Variants in DIAPH2 observed in about 807,000 individuals in gnomAD.
DIAPH2 encodes protein diaphanous homolog 2.
Under a neutral mutation model 92.7 loss-of-function variants are expected in DIAPH2, and 35 were observed. That is an observed-to-expected ratio of 0.38 (90% CI 0.29 to 0.50). The LOEUF (loss-of-function observed/expected upper bound fraction) is 0.50. Ranked by LOEUF, DIAPH2 falls within the 20% of genes least tolerant of loss-of-function variation. The probability of loss-of-function intolerance (pLI) is 0.94; values close to 1 mark genes in which losing one functional copy is unlikely to be tolerated. For missense variants in DIAPH2, 701 were observed against 819.5 expected (o/e 0.86, Z 1.77); for synonymous variants, 301 against 280.4 (o/e 1.07, Z -0.73).
At chrX:97,099,314 C>T (rs186332103) in intron 19 of DIAPH2, among the ~76,000 whole-genome samples, 1,261 of 109,383 alleles carry the variant, frequency 0.012, 14 homozygotes, top group African/African-American at 0.04. Context: ...TGCAGTGAGC[C>T]GAGATCGCGC....
At chrX:97,388,505 A>T (rs776889578) in intron 25 of DIAPH2, among the ~76,000 whole-genome samples, 28 of 111,570 alleles carry the variant, frequency 2.5e-4, no homozygotes, top group Middle Eastern at 4.6e-3. Flanking sequence ...GTGTATGCTA[A>T]CATGCCCAGC....
At chrX:97,217,212 G>T (rs767044316) in intron 22 of DIAPH2, among the ~76,000 whole-genome samples, 1 of 111,573 alleles carries the variant, frequency 9.0e-6, no homozygotes, top group African/African-American at 3.3e-5. Flanking sequence ...AGTACAGAGG[G>T]TCAAGGCCAC....
intron 26 of DIAPH2, among the ~76,000 whole-genome samples, chrX:97,456,517 TA>T (rs1444480922): frequency 9.0e-6 from 1 of 111,676 alleles, no homozygotes; most frequent in Non-Finnish European, 1.9e-5. Flanking sequence ...AGAGATAAGA[TA>T]TGTATATAAC....
intron 23 of DIAPH2, among the ~76,000 whole-genome samples, chrX:97,300,975 GAA>G (rs2068697730): frequency 2.5e-5 from 1 of 40,591 alleles, no homozygotes; most frequent in Admixed American, 3.9e-4. Flanking sequence ...AGAAGAAGAA[GAA>G]TGTCTCCATA....
chrX:97,533,639 T>C (rs1451739938), intron 26 of DIAPH2, among the ~76,000 whole-genome samples: 1 of 110,836 alleles, frequency 9.0e-6, no homozygotes, highest in Non-Finnish European at 1.9e-5. Context: ...TGTTGCCTGA[T>C]ACCTTCATTT....
At chrX:97,288,965 A>G (rs922065357) in intron 23 of DIAPH2, among the ~76,000 whole-genome samples, 9 of 111,353 alleles carry the variant, frequency 8.1e-5, no homozygotes. Flanking sequence ...TAATGTTTTA[A>G]TATTGATGAA....
chrX:97,079,932 T>A (rs780340719), intron 19 of DIAPH2, among the ~76,000 whole-genome samples: 1 of 110,910 alleles, frequency 9.0e-6, no homozygotes, highest in African/African-American at 3.3e-5. Context: ...ATAGTTATTT[T>A]TCTATAGTTT....
intron 26 of DIAPH2, among the ~76,000 whole-genome samples, chrX:97,467,542 C>G (rs1380938036): frequency 8.9e-6 from 1 of 112,022 alleles, no homozygotes; most frequent in African/African-American, 3.2e-5. Context: ...CCTGCCCCAG[C>G]CTTTTGTCTC....
intron 4 of DIAPH2, among the ~76,000 whole-genome samples, chrX:96,779,880 GT>G (rs919391825): frequency 8.9e-6 from 1 of 111,786 alleles, no homozygotes; most frequent in African/African-American, 3.2e-5. Flanking sequence ...TAAGTTCTAC[GT>G]TTTTTTCCGA....
chrX:97,510,576 T>A (rs1387830369), intron 26 of DIAPH2, among the ~76,000 whole-genome samples: 3 of 104,629 alleles, frequency 2.9e-5, no homozygotes, highest in Non-Finnish European at 3.9e-5. Flanking sequence ...AGACATGAAG[T>A]CCTTGCCCAT....
intron 4 of DIAPH2, among the ~76,000 whole-genome samples, chrX:96,869,557 C>CT: frequency 1.0e-5 from 1 of 97,926 alleles, no homozygotes; most frequent in African/African-American, 3.8e-5. Context: ...CTACTACTAC[C>CT]ACTACTACTA....
rs1232697374 is a variant in DIAPH2, at chrX:97,352,635, C to T, written c.3009+4355C>T. Reference sequence around the variant, plus strand: ...CGGTAATCCCAGCACTTTGGGAGGCCAAGGTGGGCAGATCACGAGGTCAGG... The same window carrying T: ...CGGTAATCCCAGCACTTTGGGAGGCTAAGGTGGGCAGATCACGAGGTCAGG... On this transcript the variant is annotated intron_variant, in intron 24 of 26. Coordinates refer to ENST00000324765, the MANE Select transcript of DIAPH2 (RefSeq NM_006729.5). Among the ~76,000 whole-genome samples the T allele has an allele frequency of 1.0e-4, 11 of 108,216 alleles. 1 individual carries two copies. Among genetic ancestry groups the T allele is most frequent in the Middle Eastern group, 4.8e-3 (1 of 207 alleles). 94.0% of individuals were successfully genotyped at this position (108,216 alleles called of 115,157 possible).
chrX:97,178,489 G>A (rs1364246984), intron 22 of DIAPH2, among the ~76,000 whole-genome samples: 34 of 71,998 alleles, frequency 4.7e-4, no homozygotes, highest in African/African-American at 1.9e-3. Context: ...GTCTCGCTCT[G>A]TTGCCCAGGC....
intron 26 of DIAPH2, among the ~76,000 whole-genome samples, chrX:97,505,705 A>C (rs2070827571): frequency 9.1e-6 from 1 of 109,507 alleles, no homozygotes; most frequent in South Asian, 4.0e-4. Context: ...CTTTTCAGTA[A>C]GTTGAGGGAT....
intron 4 of DIAPH2, among the ~76,000 whole-genome samples, chrX:96,827,271 A>G (rs1420060945): frequency 8.9e-6 from 1 of 112,108 alleles, no homozygotes; most frequent in Non-Finnish European, 1.9e-5. Context: ...TTATCTATCT[A>G]ACACTTTGAA....
At chrX:97,239,707 T>C (rs2068075981) in intron 22 of DIAPH2, among the ~76,000 whole-genome samples, 1 of 111,112 alleles carries the variant, frequency 9.0e-6, no homozygotes, top group Non-Finnish European at 1.9e-5. Context: ...TGAACTAATA[T>C]AATGACAGGC....
intron 23 of DIAPH2, among the ~76,000 whole-genome samples, chrX:97,250,588 C>T (rs1379577440): frequency 2.7e-5 from 3 of 112,047 alleles, no homozygotes; most frequent in African/African-American, 9.7e-5. Context: ...GACAGTCTGA[C>T]ATTTGTATGT....
At chrX:96,701,765 G>A (rs1338834992) in intron 1 of DIAPH2, 3 of 111,844 alleles carry the variant, frequency 2.7e-5, no homozygotes, top group East Asian at 2.8e-4. Flanking sequence ...ATGACTGAAC[G>A]TAGGTGATCA....
rs1185727039 is a variant in DIAPH2 at position 97,581,155 on chromosome X, G to A, written c.3242-18098G>A. Among the ~76,000 whole-genome samples, 8 of 95,023 alleles carry A rather than the reference G, an allele frequency of 8.4e-5. No homozygotes were observed. The South Asian group carries it at 4.5e-3, about 53-fold the overall frequency. 82.5% of individuals were successfully genotyped at this position (95,023 alleles called of 115,157 possible). On this transcript the variant is annotated intron_variant, in intron 26 of 26. Transcript: ENST00000324765. Reference sequence around the variant, plus strand: ...TCATTAATTTTTTGAAGGGTTTTTTGTGTCTCTATTTCCTTCAGTTCTGCT... The same window carrying A: ...TCATTAATTTTTTGAAGGGTTTTTTATGTCTCTATTTCCTTCAGTTCTGCT...
Sources: allele counts gnomAD v4.1 joint callset (sites outside exome capture counted in the v4.1 genomes callset), GRCh38; gene constraint gnomAD v4.1.1; transcripts MANE v1.5; gene names NCBI Gene and HGNC (gene_info 2026-07-23, HGNC 2026-07-21).